Variants in LRMDA observed in about 807,000 individuals in gnomAD.
LRMDA encodes the protein leucine-rich melanocyte differentiation-associated protein.
LRMDA carries 18 observed loss-of-function variants against 29.8 expected under a neutral mutation model. The observed-to-expected ratio is 0.60, with a 90% CI of 0.42 to 0.90. LRMDA has a LOEUF of 0.90. Ranked by LOEUF, LRMDA falls within the 40% of genes least tolerant of loss-of-function variation. The pLI is 0.00. For missense variants in LRMDA, 273 were observed against 273.9 expected, an observed-to-expected ratio of 1.00 and a Z score of 0.02; for synonymous variants, 125 against 109.4, an observed-to-expected ratio of 1.14 and a Z score of -0.89.
chr10:75,664,660 A>G (rs1300532881), intron 2 of LRMDA, among the ~76,000 whole-genome samples: 1 of 152,178 alleles, frequency 6.6e-6, no homozygotes, highest in Non-Finnish European at 1.5e-5. Flanking sequence ...AGAGTTGGAA[A>G]AGATGGGAGA....
chr10:76,152,053 T>A (rs1850455301), intron 5 of LRMDA, among the ~76,000 whole-genome samples: 1 of 152,198 alleles, frequency 6.6e-6, no homozygotes, highest in African/African-American at 2.4e-5. Flanking sequence ...TCTTCGTTTT[T>A]AAGTATCCAA....
At chr10:76,026,379 A>C (rs985257534) in intron 2 of LRMDA, among the ~76,000 whole-genome samples, 15 of 152,210 alleles carry the variant, frequency 9.9e-5, no homozygotes, top group Non-Finnish European at 2.1e-4. Flanking sequence ...GTTTTCAGGT[A>C]GGCCACTTTA....
intron 2 of LRMDA, among the ~76,000 whole-genome samples, chr10:75,812,422 A>T (rs868597736): frequency 6.6e-6 from 1 of 152,152 alleles, no homozygotes; most frequent in African/African-American, 2.4e-5. Context: ...GTTAAAATAT[A>T]TATATTTAGA....
At chr10:75,859,816 T>C (rs1844891814) in intron 2 of LRMDA, among the ~76,000 whole-genome samples, 1 of 152,214 alleles carries the variant, frequency 6.6e-6, no homozygotes, top group Admixed American at 6.5e-5. Flanking sequence ...CCTGACCTTT[T>C]GGCTGTAAAC....
At chr10:76,300,608 C>T (rs952203349) in intron 5 of LRMDA, among the ~76,000 whole-genome samples, 3 of 152,246 alleles carry the variant, frequency 2.0e-5, no homozygotes, top group African/African-American at 7.2e-5. Flanking sequence ...GAAATCTCTT[C>T]CATCATTCAG....
intron 5 of LRMDA, among the ~76,000 whole-genome samples, chr10:76,136,717 C>T (rs11001626): frequency 0.15 from 22,262 of 151,932 alleles, 1,932 homozygotes; most frequent in Admixed American, 0.22. Context: ...AATAGATGAG[C>T]ACTTTTTGTT....
At chr10:75,592,781 T>G in intron 2 of LRMDA, among the ~76,000 whole-genome samples, 1 of 152,236 alleles carries the variant, frequency 6.6e-6, no homozygotes, top group East Asian at 1.9e-4. Context: ...CTGGCTTAGT[T>G]ATGTCAAGCG....
chr10:75,595,280 C>T (rs1840772101), intron 2 of LRMDA, among the ~76,000 whole-genome samples: 1 of 152,100 alleles, frequency 6.6e-6, no homozygotes, highest in African/African-American at 2.4e-5. Context: ...GAAGTTCAGT[C>T]AGCTCATGTC....
At chr10:75,911,046 C>G (rs1395381878) in intron 2 of LRMDA, among the ~76,000 whole-genome samples, 1 of 151,814 alleles carries the variant, frequency 6.6e-6, no homozygotes, top group Non-Finnish European at 1.5e-5. Flanking sequence ...TTATTCTTTA[C>G]TGTGTGCTGG....
intron 6 of LRMDA, among the ~76,000 whole-genome samples, chr10:76,430,377 G>GT (rs1238624352): frequency 6.6e-6 from 1 of 152,204 alleles, no homozygotes; most frequent in Non-Finnish European, 1.5e-5. Flanking sequence ...AGCATCTTTT[G>GT]TTGGCAGAGG....
At chr10:75,549,056 C>T (rs895088156) in intron 2 of LRMDA, among the ~76,000 whole-genome samples, 1 of 152,108 alleles carries the variant, frequency 6.6e-6, no homozygotes, top group Non-Finnish European at 1.5e-5. Flanking sequence ...GAAATGGAAT[C>T]ATACAGTATT....
chr10:76,513,723 C>T (rs1185751733), intron 6 of LRMDA, among the ~76,000 whole-genome samples: 1 of 152,158 alleles, frequency 6.6e-6, no homozygotes, highest in East Asian at 1.9e-4. Context: ...GCATTCAAGT[C>T]TACTTCTCAT....
At chr10:75,808,208 G>A (rs1005592671) in intron 2 of LRMDA, among the ~76,000 whole-genome samples, 10 of 152,152 alleles carry the variant, frequency 6.6e-5, no homozygotes, top group Non-Finnish European at 8.8e-5. Context: ...TTTCATCTGG[G>A]AAATGTCTTT....
At chr10:75,487,944 T>A (rs1484751232) in intron 2 of LRMDA, among the ~76,000 whole-genome samples, 1 of 152,210 alleles carries the variant, frequency 6.6e-6, no homozygotes, top group East Asian at 1.9e-4. Context: ...TGGTTTGAAC[T>A]GCAGGATTGT....
intron 2 of LRMDA, among the ~76,000 whole-genome samples, chr10:75,831,976 T>A (rs1435594561): frequency 6.6e-6 from 1 of 152,234 alleles, no homozygotes; most frequent in Non-Finnish European, 1.5e-5. Context: ...TGAAACCATT[T>A]TCTCCTAGGC....
chr10:75,545,182 C>CCCA (rs1467352954), intron 2 of LRMDA, among the ~76,000 whole-genome samples: 1 of 151,944 alleles, frequency 6.6e-6, no homozygotes, highest in Admixed American at 6.6e-5. Flanking sequence ...AGGACAGCTC[C>CCCA]CACAACAAAT....
At chr10:76,010,689 C>G (rs77542266) in intron 2 of LRMDA, among the ~76,000 whole-genome samples, 19,520 of 152,276 alleles carry the variant, frequency 0.13, 1,663 homozygotes, top group South Asian at 0.21. Flanking sequence ...CACTCCCCCT[C>G]TCATGCCTCC....
intron 5 of LRMDA, among the ~76,000 whole-genome samples, chr10:76,169,683 T>A (rs7909895): frequency 0.085 from 12,985 of 152,208 alleles, 726 homozygotes; most frequent in Non-Finnish European, 0.13. Context: ...TCTGGTCTCA[T>A]GGGTCTTCAA....
intron 2 of LRMDA, among the ~76,000 whole-genome samples, chr10:75,698,256 C>A (rs1374646647): frequency 6.6e-6 from 1 of 152,082 alleles, no homozygotes; most frequent in Non-Finnish European, 1.5e-5. Context: ...GATTCCAACC[C>A]CAGCTCCGAC....
Sources: allele counts gnomAD v4.1 joint callset (sites outside exome capture counted in the v4.1 genomes callset), GRCh38; gene constraint gnomAD v4.1.1; transcripts MANE v1.5; gene names NCBI Gene and HGNC (gene_info 2026-07-23, HGNC 2026-07-21).